Variants in ADAMTSL2 observed in about 807,000 individuals in gnomAD.
ADAMTSL2 encodes ADAMTS like 2.
ADAMTSL2 carries 55 observed loss-of-function variants against 117.0 expected under a neutral mutation model. The observed-to-expected ratio is 0.47, with a 90% CI of 0.38 to 0.59. The LOEUF (loss-of-function observed/expected upper bound fraction) is 0.59. Among genes scored for constraint, ADAMTSL2 ranks in the 20% least tolerant of loss-of-function variants. ADAMTSL2 has a pLI of 0.00. For synonymous variants in ADAMTSL2, 572 were observed against 566.4 expected (o/e 1.01, Z -0.14); for missense variants, 1,182 against 1,354.5 (o/e 0.87, Z 2.00).
At chr9:133,550,547 G>A (rs1564500954) in intron 9 of ADAMTSL2, among the ~76,000 whole-genome samples, 1 of 152,146 alleles carries the variant, frequency 6.6e-6, no homozygotes, top group East Asian at 1.9e-4. Flanking sequence ...TCTGTGGGCA[G>A]GAAAGGCAAC....
chr9:133,544,645 CT>C, intron 8 of ADAMTSL2, 95 bp downstream of exon 8: 16 of 1,080,612 alleles, frequency 1.5e-5, no homozygotes, highest in Non-Finnish European at 2.0e-5. Context: ...GGACCCCTTC[CT>C]CCAGGACAGG....
In ADAMTSL2 at chr9:133,561,308, G is replaced by A. The variant is rs1339507182; in HGVS notation, c.1747+13G>A. On this transcript the variant is annotated intron_variant, in intron 12 of 18. Coordinates refer to ENST00000651351, the MANE Select transcript of ADAMTSL2 (RefSeq NM_014694.4). ...ACCTGCACCACAGGTACTGGTCACG[G>A]GTGCCAAGGGGCAGCAACTGCCCTG... The A allele has an allele frequency of 8.9e-6, 14 of 1,576,076 alleles. No individual in the cohort carries two copies. Among genetic ancestry groups the A allele is most frequent in the Admixed American group, 1.8e-5 (1 of 54,526 alleles).
At chr9:133,546,938 G>C (rs1830363199) in intron 8 of ADAMTSL2, 100 bp from the exon 9 acceptor site, 1 of 1,259,014 alleles carries the variant, frequency 7.9e-7, no homozygotes, top group East Asian at 2.3e-5. Flanking sequence ...TTGAGCCGGG[G>C]TTCTGGAGGG....
At chr9:133,566,727 C>T (rs1415212050) in intron 12 of ADAMTSL2, among the ~76,000 whole-genome samples, 9 of 100,840 alleles carry the variant, frequency 8.9e-5, no homozygotes, top group East Asian at 3.0e-4. Context: ...TTGGGTGGGG[C>T]GGGGTGGGGG....
rs554261302 is a variant in ADAMTSL2 at position 133,544,046 on chromosome 9, C to T, written c.683-424C>T. Among the ~76,000 whole-genome samples, 10 of 152,350 alleles carry T rather than the reference C, an allele frequency of 6.6e-5. No individual in the cohort carries two copies. In the East Asian group the frequency reaches 1.9e-3, roughly 29 times the overall value. On this transcript the variant is annotated intron_variant, in intron 7 of 18. Coordinates refer to ENST00000651351, the MANE Select transcript of ADAMTSL2 (RefSeq NM_014694.4). Reference sequence around the variant, plus strand: ...ACCCACGTCTTTGAGTGTAGCTAGCCTTGAAAGTCAACGTGTTGTTGTCAC... The same window carrying T: ...ACCCACGTCTTTGAGTGTAGCTAGCTTTGAAAGTCAACGTGTTGTTGTCAC...
At position 133,573,994 on chromosome 9, in the gene ADAMTSL2, C is replaced by G. The variant is rs1369018766; in HGVS notation, c.2737+7C>G. 6 of 1,610,976 alleles carry G rather than the reference C, an allele frequency of 3.7e-6. No homozygotes were observed. The African/African-American group carries it at 8.0e-5, about 22-fold the overall frequency. On this transcript the variant is annotated splice_region_variant and intron_variant, in intron 18 of 18. Coordinates refer to ENST00000651351, the MANE Select transcript of ADAMTSL2 (RefSeq NM_014694.4). The stretch of plus-strand genomic sequence containing the variant: ...TGCCCCACGGAGCCCCCAGGTGAGG[C>G]GCGGGGAGGCCGAGGGTGGCTCTGG...
At chr9:133,573,664 G>C (rs1028467245) in intron 17 of ADAMTSL2, among the ~76,000 whole-genome samples, 179 bp from the exon 18 acceptor site, 6 of 152,288 alleles carry the variant, frequency 3.9e-5, no homozygotes, top group Middle Eastern at 3.4e-3. Context: ...TCTCAACTCA[G>C]CCTTGGAGCC....
intron 12 of ADAMTSL2, among the ~76,000 whole-genome samples, chr9:133,564,607 GGA>G (rs1167737780): frequency 1.3e-3 from 26 of 20,530 alleles, no homozygotes; most frequent in Admixed American, 1.5e-3. Flanking sequence ...GGAGAGAGAG[GGA>G]GAGAGAGAGA....
At chr9:133,533,308 G>A (rs867094887), upstream of ADAMTSL2, among the ~76,000 whole-genome samples, 1 of 152,176 alleles carries the variant, frequency 6.6e-6, no homozygotes, top group Non-Finnish European at 1.5e-5. Flanking sequence ...AGGTGGCCCT[G>A]TGACTAGGAG....
At chr9:133,564,709 A>AGAGAGAGAGAGGGT (rs1322466269) in intron 12 of ADAMTSL2, among the ~76,000 whole-genome samples, 1 of 140,470 alleles carries the variant, frequency 7.1e-6, no homozygotes, top group Non-Finnish European at 1.6e-5. Context: ...AGAGAGAAGG[A>AGAGAGAGAGAGGGT]GAGAGAGAGA....
At chr9:133,571,145 G>A (rs1588311676) in intron 17 of ADAMTSL2, among the ~76,000 whole-genome samples, 1 of 152,346 alleles carries the variant, frequency 6.6e-6, no homozygotes, top group South Asian at 2.1e-4. Flanking sequence ...CCTGAGGCAC[G>A]TGTGGCAACC....
Position 133,537,461 on chromosome 9 carries a change from G to A in ADAMTSL2, c.147G>A (p.Trp49Ter). Residue 49 changes from tryptophan to a stop codon, truncating the protein, a stop_gained, in exon 3 of 19, where the codon TGG becomes TGA. Coordinates refer to ENST00000651351, the MANE Select transcript of ADAMTSL2 (RefSeq NM_014694.4). LOFTEE classifies it high-confidence loss of function. Reference protein sequence around the residue: ...LEGGTDATAFWWGEWTKWTAC... With the variant: ...LEGGTDATAF ...GGGGCACCGACGCCACGGCCTTCTG[G>A]TGGGGGGAGTGGACCAAGTGGACGG... 7.4e-7 allele frequency: 1 copy of A among 1,359,440 alleles called. No individual in the cohort carries two copies. The highest frequency in any genetic ancestry group is 2.8e-5 in the Admixed American group (1 of 35,136). The allele number at this position is 1,359,440 out of a possible 1,614,324, so 84.2% of individuals were successfully genotyped here.
intron 12 of ADAMTSL2, among the ~76,000 whole-genome samples, chr9:133,565,385 G>A (rs931612893): frequency 2.6e-5 from 4 of 152,242 alleles, no homozygotes; most frequent in African/African-American, 4.8e-5. Flanking sequence ...AAGGCCTGCC[G>A]CGTTTCCACT....
At chr9:133,544,638 C>T (rs1001340643) in intron 8 of ADAMTSL2, 88 bp downstream of exon 8, 1 of 1,145,174 alleles carries the variant, frequency 8.7e-7, no homozygotes, top group African/African-American at 1.5e-5. Flanking sequence ...TGACCCTGGA[C>T]CCCTTCCTCC....
In ADAMTSL2 at chr9:133,567,081, C is replaced by T. The variant is rs1830991075; in HGVS notation, c.1874+19C>T. 1.2e-6 allele frequency: 2 copies of T among 1,600,626 alleles called. No homozygotes were observed. Among genetic ancestry groups the T allele is most frequent in the Non-Finnish European group, 1.7e-6 (2 of 1,178,134 alleles). ...AGCCCAGGTACCTGCCACCAGGGGC[C>T]CTGGGCAGGGGGTCGGCAGGGGGCG... On this transcript the variant is annotated intron_variant, in intron 13 of 18. Coordinates refer to ENST00000651351, the MANE Select transcript of ADAMTSL2 (RefSeq NM_014694.4).
Position 133,570,384 on chromosome 9 carries a change from G to A in ADAMTSL2, c.2469G>A (p.Glu823=), listed in dbSNP as rs987965913. ...GVKKRLVLCM[E]LANGKPQTRS... ...AGAAGCGGCTGGTGCTCTGCATGGA[G>A]CTGGCCAACGGGAAGCCGCAGACGC... Residue 823 remains glutamate, a synonymous_variant, in exon 17 of 19, where the codon GAG becomes GAA. Transcript: ENST00000651351. The A allele has an allele frequency of 3.6e-4, 557 of 1,564,916 alleles. 1 individual carries two copies. The highest frequency in any genetic ancestry group is 4.5e-4 in the Non-Finnish European group (519 of 1,156,386).
intron 9 of ADAMTSL2, among the ~76,000 whole-genome samples, chr9:133,547,464 C>T (rs1830378733): frequency 6.6e-6 from 1 of 152,262 alleles, no homozygotes; most frequent in Non-Finnish European, 1.5e-5. Context: ...GTCTCCCATT[C>T]ACTCATCAGT....
chr9:133,539,113 A>C (rs573854189), intron 4 of ADAMTSL2, among the ~76,000 whole-genome samples: 4 of 151,732 alleles, frequency 2.6e-5, no homozygotes, highest in African/African-American at 7.3e-5. Flanking sequence ...ACGTGCAGGG[A>C]GTGAGGGGCT....
chr9:133,546,909 T>A, intron 8 of ADAMTSL2, 129 bp from the exon 9 acceptor site: 1 of 951,262 alleles, frequency 1.1e-6, no homozygotes, highest in Non-Finnish European at 1.7e-6. Flanking sequence ...ATGATGGGAG[T>A]TTCCTGTCTC....
Sources: allele counts gnomAD v4.1 joint callset (sites outside exome capture counted in the v4.1 genomes callset), GRCh38; gene constraint gnomAD v4.1.1; transcripts MANE v1.5; gene names NCBI Gene and HGNC (gene_info 2026-07-23, HGNC 2026-07-21).